Variants in ELMO1 observed in about 807,000 individuals in gnomAD.
ELMO1 encodes engulfment and cell motility 1, also known as engulfment and cell motility protein 1.
A neutral mutation model predicts 98.9 loss-of-function variants in ELMO1; 26 were observed. That is an observed-to-expected ratio of 0.26 (90% CI 0.19 to 0.36). ELMO1 has a LOEUF of 0.36. Ranked by LOEUF, ELMO1 falls within the 10% of genes least tolerant of loss-of-function variation. ELMO1 has a pLI of 1.00. For synonymous variants in ELMO1, 346 were observed against 346.0 expected (o/e 1.00, Z 0.00); for missense variants, 627 against 935.2 (o/e 0.67, Z 4.30).
intron 1 of ELMO1, among the ~76,000 whole-genome samples, chr7:37,350,065 T>C (rs1801188956): frequency 6.6e-6 from 1 of 152,016 alleles, no homozygotes; most frequent in Non-Finnish European, 1.5e-5. Context: ...AGGGTCTGGA[T>C]GGATGGGTAT....
chr7:37,178,443 A>G (rs956740664), intron 13 of ELMO1, among the ~76,000 whole-genome samples: 9 of 152,016 alleles, frequency 5.9e-5, no homozygotes, highest in South Asian at 4.2e-4. Context: ...TCAAAAAAAA[A>G]AAAAAAGAAA....
At chr7:37,386,943 T>C (rs1802831872) in intron 1 of ELMO1, among the ~76,000 whole-genome samples, 2 of 152,228 alleles carry the variant, frequency 1.3e-5, no homozygotes, top group African/African-American at 4.8e-5. Context: ...TCTCAATTAA[T>C]TGGCCTGGAG....
intron 13 of ELMO1, among the ~76,000 whole-genome samples, chr7:37,159,580 G>C (rs1216628680): frequency 6.6e-6 from 1 of 152,086 alleles, no homozygotes; most frequent in Non-Finnish European, 1.5e-5. Context: ...TGCACCTATA[G>C]TCCCAGCTAC....
intron 1 of ELMO1, among the ~76,000 whole-genome samples, chr7:37,366,052 C>G (rs188222320): frequency 3.3e-5 from 5 of 152,168 alleles, no homozygotes; most frequent in Non-Finnish European, 7.3e-5. Flanking sequence ...TTAAAATGAC[C>G]TAGAAGTTGT....
chr7:36,897,435 T>C (rs868309818), intron 16 of ELMO1, among the ~76,000 whole-genome samples: 6 of 141,914 alleles, frequency 4.2e-5, no homozygotes, highest in Middle Eastern at 3.6e-3. Context: ...GAGCCTTTTC[T>C]TTTTTTTTTG....
chr7:37,414,221 T>C (rs1804115910), intron 1 of ELMO1, among the ~76,000 whole-genome samples: 1 of 152,206 alleles, frequency 6.6e-6, no homozygotes, highest in Non-Finnish European at 1.5e-5. Flanking sequence ...GCAGCCAACA[T>C]CCATATCTTA....
rs959667435 is a variant in ELMO1, at chr7:37,213,313, C to T, written c.954+22G>A. The T allele has an allele frequency of 5.6e-6, 9 of 1,610,090 alleles. No individual in the cohort carries two copies. The African/African-American group carries it at 6.7e-5, about 12-fold the overall frequency. ...ACTTTCTGTCCTTCCTGTGCTTTGA[C>T]TGCTGTCCAATGAGCACTCACCTGG... On this transcript the variant is annotated intron_variant, in intron 12 of 21. Transcript: ENST00000310758.
At chr7:37,331,467 C>T (rs1800118634) in intron 2 of ELMO1, among the ~76,000 whole-genome samples, 1 of 151,194 alleles carries the variant, frequency 6.6e-6, no homozygotes, top group African/African-American at 2.4e-5. Flanking sequence ...CAGGTGTGAG[C>T]CACCACGCCC....
chr7:37,095,888 T>C (rs1443399947), intron 15 of ELMO1, among the ~76,000 whole-genome samples: 1 of 152,216 alleles, frequency 6.6e-6, no homozygotes, highest in African/African-American at 2.4e-5. Context: ...AAGATTTATA[T>C]GTGTGCTGGC....
At chr7:36,930,498 T>C (rs141812735) in intron 16 of ELMO1, among the ~76,000 whole-genome samples, 7 of 152,358 alleles carry the variant, frequency 4.6e-5, no homozygotes, top group Admixed American at 1.3e-4. Flanking sequence ...ATGCTTTTAA[T>C]TTGCTGAGTT....
In ELMO1 at chr7:37,267,290, C is replaced by T. The variant is rs569573299; in HGVS notation, c.243+4542G>A. 7.2e-5 allele frequency among the ~76,000 whole-genome samples: 11 copies of T among 152,242 alleles called. No individual in the cohort carries two copies. In the South Asian group the frequency reaches 2.1e-3, roughly 29 times the overall value. On this transcript the variant is annotated intron_variant, in intron 5 of 21. Coordinates refer to ENST00000310758, the MANE Select transcript of ELMO1 (RefSeq NM_014800.11). Reference sequence around the variant, plus strand: ...ATGGCATACTTTAGGGATACCTCCTCGGCAGCACGTATCACATTCTTACTA... The same window carrying T: ...ATGGCATACTTTAGGGATACCTCCTTGGCAGCACGTATCACATTCTTACTA...
chr7:37,281,110 T>C (rs1012084712), intron 4 of ELMO1, among the ~76,000 whole-genome samples: 1 of 151,920 alleles, frequency 6.6e-6, no homozygotes, highest in Non-Finnish European at 1.5e-5. Context: ...TTGGAGACTA[T>C]TATTCTAAGT....
At chr7:37,353,883 C>T (rs757165085) in intron 1 of ELMO1, among the ~76,000 whole-genome samples, 9 of 152,212 alleles carry the variant, frequency 5.9e-5, no homozygotes, top group Non-Finnish European at 1.2e-4. Flanking sequence ...CCCAGAAGCC[C>T]AGTCGGCTCC....
chr7:37,394,060 T>G (rs1803190951), intron 1 of ELMO1: 1 of 152,202 alleles, frequency 6.6e-6, no homozygotes. Flanking sequence ...AATAACCCCC[T>G]TTTTACTCAT....
chr7:37,258,861 T>C (rs1795832599), intron 6 of ELMO1, among the ~76,000 whole-genome samples: 3 of 152,098 alleles, frequency 2.0e-5, no homozygotes, highest in Non-Finnish European at 2.9e-5. Flanking sequence ...TGAGGGACTA[T>C]TGTTTTGTCG....
Position 36,853,328 on chromosome 7 carries a change from G to C in ELMO1, c.*2223C>G, listed in dbSNP as rs1562769952. ...AGAGGGGCTGGATCTCCCCAACCAA[G>C]GTCACAGGACAGATACATTTCTTAA... On this transcript the variant is annotated 3_prime_UTR_variant, in exon 22 of 22. Coordinates refer to ENST00000310758, the MANE Select transcript of ELMO1 (RefSeq NM_014800.11). Among the ~76,000 whole-genome samples the C allele has an allele frequency of 6.6e-6, 1 of 152,138 alleles. No individual in the cohort carries two copies. The highest frequency in any genetic ancestry group is 6.5e-5 in the Admixed American group (1 of 15,272).
At chr7:37,289,105 C>T (rs149416630) in intron 4 of ELMO1, among the ~76,000 whole-genome samples, 1 of 152,276 alleles carries the variant, frequency 6.6e-6, no homozygotes, top group Non-Finnish European at 1.5e-5. Context: ...TCACCAGTGC[C>T]TTGAATGGTG....
At chr7:37,280,682 C>CA (rs771519973) in intron 4 of ELMO1, among the ~76,000 whole-genome samples, 2 of 150,208 alleles carry the variant, frequency 1.3e-5, no homozygotes, top group Admixed American at 6.6e-5. Flanking sequence ...TGGCCATAAT[C>CA]AAAAAAATAA....
chr7:37,218,962 A>G (rs1793444538), intron 10 of ELMO1, among the ~76,000 whole-genome samples: 1 of 152,248 alleles, frequency 6.6e-6, no homozygotes, highest in South Asian at 2.1e-4. Context: ...GAAATTTGGA[A>G]GGGATCTCAC....
Sources: gnomAD v4.1 joint callset for allele counts (sites outside exome capture counted in the v4.1 genomes callset) on GRCh38, gnomAD v4.1.1 for gene constraint, MANE v1.5 for transcripts, NCBI Gene and HGNC (gene_info 2026-07-23, HGNC 2026-07-21) for gene names.